MALRD1: variants seen among roughly 807,000 people sequenced by gnomAD.
The protein encoded by MALRD1 is MAM and LDL receptor class A domain containing 1.
Under a neutral mutation model 242.1 loss-of-function variants are expected in MALRD1, and 247 were observed. That is an observed-to-expected ratio of 1.02 (90% CI 0.92 to 1.13). MALRD1 has a LOEUF of 1.13. Ranked by LOEUF, MALRD1 falls within the 50% of genes most tolerant of loss-of-function variation. MALRD1 has a pLI of 0.00. For synonymous variants in MALRD1, 995 were observed against 866.6 expected (o/e 1.15, Z -2.60); for missense variants, 2,989 against 2,533.1 (o/e 1.18, Z -3.86).
chr10:19,413,906 G>A (rs747818991), intron 28 of MALRD1, among the ~76,000 whole-genome samples: 10 of 150,326 alleles, frequency 6.7e-5, no homozygotes, highest in Admixed American at 2.0e-4. Context: ...AGCCGAGATC[G>A]CACTACTGCA....
At chr10:19,651,333 T>C (rs1840877885) in intron 36 of MALRD1, among the ~76,000 whole-genome samples, 1 of 152,180 alleles carries the variant, frequency 6.6e-6, no homozygotes, top group Non-Finnish European at 1.5e-5. Flanking sequence ...AAGTTAATGT[T>C]TCTTTCTAAA....
intron 8 of MALRD1, among the ~76,000 whole-genome samples, chr10:19,128,663 G>T (rs1837356642): frequency 6.6e-6 from 1 of 152,146 alleles, no homozygotes; most frequent in Non-Finnish European, 1.5e-5. Context: ...AAATGGGATA[G>T]CTGAGATTCT....
At chr10:19,483,256 TA>T (rs2093607742) in intron 29 of MALRD1, among the ~76,000 whole-genome samples, 1 of 148,160 alleles carries the variant, frequency 6.7e-6, no homozygotes, top group African/African-American at 2.5e-5. Flanking sequence ...CCTTGGGAAA[TA>T]ATTTATGACT....
Position 19,538,658 on chromosome 10 carries a change from A to G in MALRD1, c.5478+7307A>G, listed in dbSNP as rs1334205235. Reference sequence around the variant, plus strand: ...AGCAGTTAACTTGGCACTGAACAAGATGATTTCTCTAAAAATAACTAACAT... The same window carrying G: ...AGCAGTTAACTTGGCACTGAACAAGGTGATTTCTCTAAAAATAACTAACAT... On this transcript the variant is annotated intron_variant, in intron 32 of 39. Transcript: ENST00000454679. 5.9e-5 allele frequency among the ~76,000 whole-genome samples: 9 copies of G among 152,314 alleles called. No homozygotes were observed. In the South Asian group the frequency reaches 1.2e-3, roughly 21 times the overall value.
chr10:19,344,671 C>G (rs1333204401), intron 24 of MALRD1, among the ~76,000 whole-genome samples: 1 of 149,110 alleles, frequency 6.7e-6, no homozygotes, highest in Non-Finnish European at 1.5e-5. Flanking sequence ...AAATATATAT[C>G]TACAAGTTAT....
intron 39 of MALRD1, among the ~76,000 whole-genome samples, chr10:19,731,937 A>G (rs1189432945): frequency 6.6e-6 from 1 of 152,188 alleles, no homozygotes; most frequent in Non-Finnish European, 1.5e-5. Context: ...TGGTAGTTTA[A>G]GAGCCTTGAG....
chr10:19,390,787 T>G (rs1846306139), intron 28 of MALRD1, among the ~76,000 whole-genome samples: 1 of 152,162 alleles, frequency 6.6e-6, no homozygotes, highest in Non-Finnish European at 1.5e-5. Context: ...GAGTCTATGT[T>G]TTATTGGAAA....
At chr10:19,073,837 G>A (rs1835233748) in intron 2 of MALRD1, among the ~76,000 whole-genome samples, 1 of 152,058 alleles carries the variant, frequency 6.6e-6, no homozygotes, top group South Asian at 2.1e-4. Context: ...CTTATTGGAA[G>A]AAAGAAAAGG....
intron 36 of MALRD1, among the ~76,000 whole-genome samples, chr10:19,629,207 C>G (rs1264773139): frequency 6.6e-6 from 1 of 152,140 alleles, no homozygotes; most frequent in Non-Finnish European, 1.5e-5. Flanking sequence ...TGTAAGCATT[C>G]ACAGTTGGTG....
At chr10:19,300,077 A>G (rs1473927233) in intron 21 of MALRD1, among the ~76,000 whole-genome samples, 1 of 151,944 alleles carries the variant, frequency 6.6e-6, no homozygotes, top group African/African-American at 2.4e-5. Flanking sequence ...TGCCAACAAC[A>G]TCCAAGCTGA....
chr10:19,680,550 T>C (rs1842323154), intron 36 of MALRD1, among the ~76,000 whole-genome samples: 3 of 152,168 alleles, frequency 2.0e-5, no homozygotes, highest in Admixed American at 2.0e-4. Context: ...GAGATGGATC[T>C]CTTGAATGCA....
intron 14 of MALRD1, among the ~76,000 whole-genome samples, chr10:19,185,287 A>G (rs1835688690): frequency 1.3e-5 from 2 of 152,350 alleles, no homozygotes; most frequent in Non-Finnish European, 2.9e-5. Context: ...ACATTTTAAT[A>G]TTTCCAAACA....
intron 18 of MALRD1, among the ~76,000 whole-genome samples, chr10:19,256,155 G>C (rs745740626): frequency 6.6e-6 from 1 of 151,968 alleles, no homozygotes; most frequent in African/African-American, 2.4e-5. Context: ...CAAGTCAATA[G>C]TATTTATTTT....
intron 36 of MALRD1, among the ~76,000 whole-genome samples, chr10:19,670,764 G>A (rs185400874): frequency 5.7e-4 from 86 of 152,156 alleles, no homozygotes; most frequent in African/African-American, 1.9e-3. Context: ...TGTAAACTTC[G>A]TGAAGTCAGG....
At chr10:19,294,284 A>G (rs2131933550) in intron 21 of MALRD1, among the ~76,000 whole-genome samples, 1 of 152,308 alleles carries the variant, frequency 6.6e-6, no homozygotes, top group Admixed American at 6.5e-5. Context: ...AATTTGTAGG[A>G]AAAACGTTTC....
At chr10:19,214,731 T>C (rs189836611) in intron 18 of MALRD1, among the ~76,000 whole-genome samples, 1 of 152,282 alleles carries the variant, frequency 6.6e-6, no homozygotes, top group Admixed American at 6.5e-5. Context: ...GAAAAATGGG[T>C]GCCCTTTCCA....
chr10:19,674,760 A>G (rs1392215853), intron 36 of MALRD1, among the ~76,000 whole-genome samples: 2 of 152,140 alleles, frequency 1.3e-5, no homozygotes, highest in African/African-American at 4.8e-5. Context: ...TAATGCCTTC[A>G]CCTTCTTCAC....
chr10:19,137,607 G>GA (rs34768480), intron 10 of MALRD1, among the ~76,000 whole-genome samples: 1,485 of 84,326 alleles, frequency 0.018, 24 homozygotes, highest in African/African-American at 0.035. Context: ...GACTCCGTCT[G>GA]AAAAAAAAAA....
At chr10:19,724,619 T>C (rs1191202242) in intron 38 of MALRD1, among the ~76,000 whole-genome samples, 3 of 152,204 alleles carry the variant, frequency 2.0e-5, no homozygotes, top group Non-Finnish European at 2.9e-5. Flanking sequence ...CTGTCCAACA[T>C]TGCCATCATA....
Sources: allele counts gnomAD v4.1 joint callset (sites outside exome capture counted in the v4.1 genomes callset), GRCh38; gene constraint gnomAD v4.1.1; transcripts MANE v1.5; gene names NCBI Gene and HGNC (gene_info 2026-07-23, HGNC 2026-07-21).